STX8: variants seen among roughly 807,000 people sequenced by gnomAD.
STX8 encodes the protein syntaxin-8.
Under a neutral mutation model 37.5 loss-of-function variants are expected in STX8, and 23 were observed. The ratio of observed to expected loss-of-function variants is 0.61; its 90% CI spans 0.44 to 0.87. The LOEUF (loss-of-function observed/expected upper bound fraction) is 0.87, where lower values mean the gene tolerates loss of function less well. Among genes scored for constraint, STX8 ranks in the 40% least tolerant of loss-of-function variants. STX8 has a pLI of 0.00. For missense variants in STX8, 313 were observed against 284.7 expected (o/e 1.10, Z -0.71); for synonymous variants, 115 against 99.1 (o/e 1.16, Z -0.95).
At chr17:9,257,917 A>G (rs1906863676) in intron 7 of STX8, among the ~76,000 whole-genome samples, 1 of 152,214 alleles carries the variant, frequency 6.6e-6, no homozygotes, top group South Asian at 2.1e-4. Context: ...TGAACCCGGG[A>G]GGAGGAGGTT....
At chr17:9,520,583 T>C (rs969731471) in intron 4 of STX8, among the ~76,000 whole-genome samples, 4 of 152,230 alleles carry the variant, frequency 2.6e-5, no homozygotes, top group African/African-American at 9.6e-5. Flanking sequence ...TCTTGTCTTA[T>C]CAAGATTTAA....
chr17:9,307,190 A>G (rs1378958141), intron 7 of STX8, among the ~76,000 whole-genome samples: 1 of 152,216 alleles, frequency 6.6e-6, no homozygotes, highest in East Asian at 1.9e-4. Flanking sequence ...CTTATAAATC[A>G]TCAGTGCCAC....
At chr17:9,546,602 T>G (rs1467429814) in intron 3 of STX8, among the ~76,000 whole-genome samples, 1 of 127,348 alleles carries the variant, frequency 7.9e-6, no homozygotes, top group African/African-American at 3.2e-5. Context: ...TTTTTTTTTT[T>G]TTTTTTTTTT....
chr17:9,350,722 A>G (rs1474938409), intron 7 of STX8, among the ~76,000 whole-genome samples: 2 of 151,984 alleles, frequency 1.3e-5, no homozygotes, highest in Admixed American at 1.3e-4. Flanking sequence ...TAGTAGAGAC[A>G]GGGCTTCACC....
At chr17:9,402,128 A>T (rs890481076) in intron 6 of STX8, among the ~76,000 whole-genome samples, 37 of 136,744 alleles carry the variant, frequency 2.7e-4, no homozygotes, top group Admixed American at 1.1e-3. Context: ...ATTTATTATT[A>T]TTTGTTTTTA....
At chr17:9,254,582 G>A (rs1460711834) in intron 7 of STX8, among the ~76,000 whole-genome samples, 1 of 152,050 alleles carries the variant, frequency 6.6e-6, no homozygotes, top group Non-Finnish European at 1.5e-5. Context: ...TTTTAGTAGA[G>A]ACAGGGTTTC....
intron 6 of STX8, among the ~76,000 whole-genome samples, chr17:9,428,919 G>A (rs1913742057): frequency 6.6e-6 from 1 of 152,118 alleles, no homozygotes; most frequent in African/African-American, 2.4e-5. Flanking sequence ...TGATAGCAAA[G>A]TGTCATATTT....
chr17:9,412,558 C>T (rs1407545427), intron 6 of STX8, among the ~76,000 whole-genome samples: 2 of 152,120 alleles, frequency 1.3e-5, no homozygotes, highest in East Asian at 1.9e-4. Context: ...GGATTACACG[C>T]GTGAGCCACC....
intron 7 of STX8, among the ~76,000 whole-genome samples, chr17:9,262,675 A>G (rs1322644672): frequency 3.3e-5 from 5 of 151,748 alleles, no homozygotes; most frequent in Non-Finnish European, 7.4e-5. Flanking sequence ...TCCGCCTCCC[A>G]GGTTCAAGCA....
intron 6 of STX8, among the ~76,000 whole-genome samples, chr17:9,389,219 C>G (rs553080833): frequency 1.1e-4 from 17 of 152,352 alleles, no homozygotes; most frequent in African/African-American, 4.1e-4. Flanking sequence ...GGCCAGAGAG[C>G]CTTGGGGAAT....
At chr17:9,282,206 T>G (rs535594640) in intron 7 of STX8, among the ~76,000 whole-genome samples, 2 of 152,262 alleles carry the variant, frequency 1.3e-5, no homozygotes, top group African/African-American at 2.4e-5. Context: ...GATCTTGGCT[T>G]ACTGCAATTT....
chr17:9,379,244 CAAAA>C (rs34928127), intron 6 of STX8, among the ~76,000 whole-genome samples: 1 of 76,674 alleles, frequency 1.3e-5, no homozygotes, highest in African/African-American at 4.7e-5. Flanking sequence ...GACTCCATCT[CAAAA>C]AAAAAAAAAA....
intron 4 of STX8, among the ~76,000 whole-genome samples, chr17:9,511,500 C>CTTTATAGTTTTGT (rs1204253238): frequency 1.1e-4 from 16 of 152,006 alleles, no homozygotes; most frequent in Middle Eastern, 6.8e-3. Flanking sequence ...AAGGACAAAA[C>CTTTATAGTTTTGT]CCACATGATA....
chr17:9,346,988 G>A (rs545538732), intron 7 of STX8, among the ~76,000 whole-genome samples: 61 of 152,168 alleles, frequency 4.0e-4, no homozygotes, highest in African/African-American at 1.4e-3. Flanking sequence ...CTAGCTGGGC[G>A]TGGTAGTGGG....
At chr17:9,568,918 G>A (rs991922879) in intron 1 of STX8, among the ~76,000 whole-genome samples, 11 of 152,198 alleles carry the variant, frequency 7.2e-5, no homozygotes, top group South Asian at 2.1e-4. Context: ...TGGACTGAGC[G>A]TTATTTACCA....
intron 6 of STX8, among the ~76,000 whole-genome samples, chr17:9,455,334 C>T (rs1452845163): frequency 2.6e-5 from 4 of 152,022 alleles, no homozygotes; most frequent in Admixed American, 6.6e-5. Context: ...CCCGTCTCTA[C>T]TAAAAATACA....
At chr17:9,312,929 GCCTGTAAT>G (rs1909243356) in intron 7 of STX8, among the ~76,000 whole-genome samples, 1 of 152,052 alleles carries the variant, frequency 6.6e-6, no homozygotes, top group African/African-American at 2.4e-5. Flanking sequence ...GGTGGCTCAG[GCCTGTAAT>G]CCCAGCACTT....
chr17:9,426,713 G>C (rs1013399984), intron 6 of STX8, among the ~76,000 whole-genome samples: 1 of 152,044 alleles, frequency 6.6e-6, no homozygotes, highest in Non-Finnish European at 1.5e-5. Flanking sequence ...GTGACCTTAT[G>C]GTTGAACCAC....
intron 7 of STX8, among the ~76,000 whole-genome samples, chr17:9,261,978 C>T (rs764108988): frequency 4.6e-5 from 7 of 152,136 alleles, no homozygotes; most frequent in African/African-American, 7.2e-5. Flanking sequence ...GCTGTGGATT[C>T]GGCATTACAA....
Sources: gnomAD v4.1 joint callset for allele counts (sites outside exome capture counted in the v4.1 genomes callset) on GRCh38, gnomAD v4.1.1 for gene constraint, MANE v1.5 for transcripts, NCBI Gene and HGNC (gene_info 2026-07-23, HGNC 2026-07-21) for gene names.